The following GRIN2B variants were observed in gnomAD, a reference collection of about 807,000 sequenced individuals.
GRIN2B encodes glutamate ionotropic receptor NMDA type subunit 2B.
Under a neutral mutation model 114.5 loss-of-function variants are expected in GRIN2B, and 5 were observed. The ratio of observed to expected loss-of-function variants is 0.04; its 90% CI spans 0.02 to 0.09. The LOEUF is 0.09. Among genes scored for constraint, GRIN2B ranks in the 10% least tolerant of loss-of-function variants. The pLI, the probability that GRIN2B is intolerant of heterozygous loss-of-function variation, is 1.00. For missense variants in GRIN2B, 1,108 were observed against 1,943.5 expected (o/e 0.57, Z 8.08); for synonymous variants, 787 against 745.1 (o/e 1.06, Z -0.92).
intron 4 of GRIN2B, among the ~76,000 whole-genome samples, chr12:13,708,376 C>G (rs1207700202): frequency 6.6e-6 from 1 of 152,026 alleles, no homozygotes; most frequent in Non-Finnish European, 1.5e-5. Flanking sequence ...TGAGGCCACT[C>G]TAACGTCAAA....
At chr12:13,628,224 T>A (rs1188107459) in intron 5 of GRIN2B, among the ~76,000 whole-genome samples, 1 of 152,160 alleles carries the variant, frequency 6.6e-6, no homozygotes. Context: ...TTAGATGGTC[T>A]AGGGGCCCAA....
At chr12:13,764,988 C>T (rs753339215) in intron 3 of GRIN2B, among the ~76,000 whole-genome samples, 1 of 152,218 alleles carries the variant, frequency 6.6e-6, no homozygotes, top group Non-Finnish European at 1.5e-5. Flanking sequence ...ATGAGTGCAA[C>T]ATGCAGTCTC....
chr12:13,882,934 C>T (rs1341911113), intron 2 of GRIN2B, among the ~76,000 whole-genome samples: 2 of 152,184 alleles, frequency 1.3e-5, no homozygotes, highest in African/African-American at 2.4e-5. Context: ...TAGCCCTCTC[C>T]TGTGTGTGAC....
rs1362880487 is a variant in GRIN2B at position 13,559,718 on chromosome 12, A to AC, written c.*3064_*3065insG. 6.6e-6 allele frequency: 1 copy of AC among 152,212 alleles called. No individual in the cohort carries two copies. Among genetic ancestry groups the AC allele is most frequent in the Admixed American group, 6.5e-5 (1 of 15,286 alleles). The allele number at this position is 152,212 out of a possible 1,614,324, so 9.4% of individuals were successfully genotyped here. On this transcript the variant is annotated 3_prime_UTR_variant, in exon 14 of 14. Coordinates refer to ENST00000609686, the MANE Select transcript of GRIN2B (RefSeq NM_000834.5). ...GTGACCAGATATCACATGCTTCAAA[A>AC]AGTAGAGTTAGTGGAGATTTTTCCA...
At chr12:13,903,191 G>A (rs536705532) in intron 2 of GRIN2B, among the ~76,000 whole-genome samples, 10 of 151,812 alleles carry the variant, frequency 6.6e-5, no homozygotes, top group Non-Finnish European at 8.8e-5. Context: ...AAAACTTTAC[G>A]TTTCATGAAT....
chr12:13,600,449 G>C (rs187153903), intron 10 of GRIN2B, among the ~76,000 whole-genome samples: 3 of 152,182 alleles, frequency 2.0e-5, no homozygotes, highest in Admixed American at 2.0e-4. Flanking sequence ...TATTTATCCA[G>C]TTATCTTGGT....
intron 2 of GRIN2B, among the ~76,000 whole-genome samples, chr12:13,887,964 A>C (rs891845520): frequency 1.3e-5 from 2 of 152,200 alleles, no homozygotes; most frequent in Non-Finnish European, 2.9e-5. Flanking sequence ...CGCAGTGCAC[A>C]GTCCACCTTC....
intron 2 of GRIN2B, among the ~76,000 whole-genome samples, chr12:13,891,235 T>C (rs1866257165): frequency 1.3e-5 from 2 of 152,340 alleles, no homozygotes; most frequent in South Asian, 2.1e-4. Flanking sequence ...ATCTGTGTTT[T>C]CTGCCAAGAC....
At chr12:13,858,022 G>T (rs1865693631) in intron 3 of GRIN2B, among the ~76,000 whole-genome samples, 1 of 152,104 alleles carries the variant, frequency 6.6e-6, no homozygotes, top group Admixed American at 6.6e-5. Context: ...TAGACTCTTT[G>T]TTCTGAGACA....
chr12:13,885,157 T>TC (rs1866133820), intron 2 of GRIN2B, among the ~76,000 whole-genome samples: 1 of 152,148 alleles, frequency 6.6e-6, no homozygotes. Context: ...GCAAAAGTGT[T>TC]CCCTACACCA....
At chr12:13,580,298 C>G (rs1948830367) in intron 10 of GRIN2B, among the ~76,000 whole-genome samples, 1 of 152,182 alleles carries the variant, frequency 6.6e-6, no homozygotes, top group Non-Finnish European at 1.5e-5. Flanking sequence ...AAAAATGGCT[C>G]TACTCATTCA....
At chr12:13,730,608 C>A (rs1241855122) in intron 4 of GRIN2B, among the ~76,000 whole-genome samples, 1 of 152,060 alleles carries the variant, frequency 6.6e-6, no homozygotes. Flanking sequence ...GTCAAGGGCC[C>A]CAAATCTCAT....
chr12:13,671,537 C>A (rs1016852955), intron 5 of GRIN2B, among the ~76,000 whole-genome samples: 1 of 152,146 alleles, frequency 6.6e-6, no homozygotes, highest in African/African-American at 2.4e-5. Flanking sequence ...CCCGAGATGC[C>A]TTGTTAAAAG....
At chr12:13,897,598 T>C (rs1044705747) in intron 2 of GRIN2B, among the ~76,000 whole-genome samples, 1 of 152,148 alleles carries the variant, frequency 6.6e-6, no homozygotes. Flanking sequence ...TAGAAGTAAC[T>C]AGCTATGAGA....
intron 4 of GRIN2B, among the ~76,000 whole-genome samples, chr12:13,741,011 C>A (rs1050370256): frequency 6.6e-6 from 1 of 152,072 alleles, no homozygotes; most frequent in African/African-American, 2.4e-5. Flanking sequence ...CAAGAAATAG[C>A]AGAGAATCCA....
intron 3 of GRIN2B, among the ~76,000 whole-genome samples, chr12:13,763,119 T>C (rs1863712598): frequency 1.3e-5 from 2 of 151,230 alleles, no homozygotes; most frequent in African/African-American, 4.9e-5. Context: ...CAGAGACAGA[T>C]TAAAAAAAAA....
At chr12:13,708,830 G>A (rs897247878) in intron 4 of GRIN2B, among the ~76,000 whole-genome samples, 31 of 152,040 alleles carry the variant, frequency 2.0e-4, no homozygotes, top group Middle Eastern at 3.4e-3. Context: ...TCATTCATTC[G>A]AAAATATTTA....
chr12:13,819,600 G>A (rs1350572946), intron 3 of GRIN2B, among the ~76,000 whole-genome samples: 2 of 152,194 alleles, frequency 1.3e-5, no homozygotes, highest in African/African-American at 4.8e-5. Flanking sequence ...TCCTAGGGGT[G>A]TCTGGGGCAA....
intron 3 of GRIN2B, among the ~76,000 whole-genome samples, chr12:13,806,348 G>A (rs540772990): frequency 6.6e-6 from 1 of 152,162 alleles, no homozygotes; most frequent in East Asian, 1.9e-4. Context: ...CCCACGGTGT[G>A]CAAGTTATGT....
Sources: allele counts gnomAD v4.1 joint callset (sites outside exome capture counted in the v4.1 genomes callset), GRCh38; gene constraint gnomAD v4.1.1; transcripts MANE v1.5; gene names NCBI Gene and HGNC (gene_info 2026-07-23, HGNC 2026-07-21).